The following ANKRD18B variants were observed in gnomAD, a reference collection of about 807,000 sequenced individuals.
ANKRD18B encodes the protein ankyrin repeat domain 18B.
ANKRD18B carries 75 observed loss-of-function variants against 111.8 expected under a neutral mutation model. That is an observed-to-expected ratio of 0.67 (90% CI 0.56 to 0.81). The LOEUF (loss-of-function observed/expected upper bound fraction) is 0.81, where lower values mean the gene tolerates loss of function less well. Among genes scored for constraint, ANKRD18B ranks in the 40% least tolerant of loss-of-function variants. ANKRD18B has a pLI of 0.00. For missense variants in ANKRD18B, 1,038 were observed against 1,225.5 expected (o/e 0.85, Z 2.28); for synonymous variants, 356 against 417.3 (o/e 0.85, Z 1.79).
Position 33,543,219 on chromosome 9 carries a change from A to C in ANKRD18B, c.1113A>C (p.Gln371His). ...TAAAAGTGGCTTCAGAGGAAAAGCA[A>C]GAAAGGCTTGAAAGAAGTGAAAATA... ...HNLKVASEEK[Q>H]ERLERSENKQ... is the part of the protein sequence containing the mutation. The change falls in exon 10 of 19, where the codon CAA becomes CAC. Residue 371 changes from glutamine to histidine, a missense_variant. Gln to His is a conservative substitution (Grantham distance 24, BLOSUM62 0). Around this residue, in one of 4 missense-constraint regions of ANKRD18B, gnomAD observed 205 missense variants for 201.3 expected, o/e 1.02. Transcript: ENST00000684830. 1 of 1,553,152 alleles carries C rather than the reference A, an allele frequency of 6.4e-7. No homozygotes were observed. Among genetic ancestry groups the C allele is most frequent in the Admixed American group, 2.0e-5 (1 of 51,190 alleles).
intron 10 of ANKRD18B, among the ~76,000 whole-genome samples, chr9:33,544,167 C>G (rs1157749203): frequency 2.6e-5 from 4 of 152,106 alleles, no homozygotes; most frequent in Non-Finnish European, 5.9e-5. Flanking sequence ...CTATTTCTGT[C>G]AGATTTAATT....
At position 33,571,300 on chromosome 9, in the gene ANKRD18B, C is replaced by T; in HGVS notation, c.3223+9C>T. On this transcript the variant is annotated intron_variant, in intron 18 of 18. Coordinates refer to ENST00000684830, the MANE Select transcript of ANKRD18B (RefSeq NM_001393611.1). ...TACAGAAACAAAGAAAAGTATGTTG[C>T]CAAAATGTATTAATTAAATTTAGGT... 1 of 1,147,048 alleles carries T rather than the reference C, an allele frequency of 8.7e-7. No individual in the cohort carries two copies. Among genetic ancestry groups the T allele is most frequent in the Non-Finnish European group, 1.1e-6 (1 of 904,872 alleles). 71.1% of individuals were successfully genotyped at this position (1,147,048 alleles called of 1,614,324 possible).
chr9:33,545,611 T>C (rs554062632), intron 10 of ANKRD18B, among the ~76,000 whole-genome samples: 21 of 152,338 alleles, frequency 1.4e-4, no homozygotes, highest in African/African-American at 4.8e-4. Context: ...CCACTGCTAA[T>C]ATCTATAAAA....
intron 13 of ANKRD18B, among the ~76,000 whole-genome samples, chr9:33,556,295 G>T (rs1170236062): frequency 6.6e-6 from 1 of 151,716 alleles, no homozygotes; most frequent in Non-Finnish European, 1.5e-5. Flanking sequence ...ACAGAGTCTG[G>T]CTCTGTCACC....
chr9:33,548,425 A>G lies in ANKRD18B; in HGVS notation c.1637A>G (p.Gln546Arg). 1.3e-6 allele frequency: 2 copies of G among 1,551,250 alleles called. No homozygotes were observed. Among genetic ancestry groups the G allele is most frequent in the Non-Finnish European group, 1.7e-6 (2 of 1,146,642 alleles). ...GATAAGAATGAGTTGCTTACTGAAC[A>G]GGTCCATAAAGCTCGGGTGAAGTTC... ...LTDKNELLTE[Q>R]VHKARVKFNT... is the part of the protein sequence containing the mutation. The change falls in exon 11 of 19, where the codon CAG becomes CGG. Residue 546 changes from glutamine to arginine, a missense_variant. Physicochemically the swap from Gln to Arg is conservative, Grantham distance 43. This residue lies in a region of ANKRD18B where 524 missense variants were observed against 677.9 expected (regional missense o/e 0.77). Transcript: ENST00000684830.
At chr9:33,564,539 T>C (rs544323037) in intron 14 of ANKRD18B, among the ~76,000 whole-genome samples, 17 of 152,360 alleles carry the variant, frequency 1.1e-4, no homozygotes, top group Middle Eastern at 3.4e-3. Flanking sequence ...TATTGTTTTC[T>C]TTTCTATTGC....
At chr9:33,539,281 G>A (rs1002392150) in intron 6 of ANKRD18B, among the ~76,000 whole-genome samples, 168 bp from the exon 7 acceptor site, 47 of 152,160 alleles carry the variant, frequency 3.1e-4, no homozygotes, top group African/African-American at 1.1e-3. Context: ...TATGTATCAC[G>A]TTCAGTATGT....
chr9:33,534,875 C>T (rs1292621530), intron 5 of ANKRD18B, among the ~76,000 whole-genome samples: 1 of 125,956 alleles, frequency 7.9e-6, no homozygotes, highest in African/African-American at 3.0e-5. Context: ...TGCTCATGTT[C>T]CTGAGTTCAA....
intron 3 of ANKRD18B, 115 bp from the exon 4 acceptor site, chr9:33,533,324 A>G (rs1420959937): frequency 1.8e-5 from 27 of 1,482,676 alleles, no homozygotes; most frequent in Non-Finnish European, 1.3e-5. Flanking sequence ...ACTGCTTTGC[A>G]TTTACTTTCT....
At chr9:33,558,303 A>G in intron 14 of ANKRD18B, 116 bp downstream of exon 14, 3 of 1,202,276 alleles carry the variant, frequency 2.5e-6, no homozygotes, top group East Asian at 5.3e-5. Flanking sequence ...TCAATCCATC[A>G]CCTAGGTATT....
chr9:33,553,894 G>A (rs2996344), intron 12 of ANKRD18B, among the ~76,000 whole-genome samples: 22,634 of 151,230 alleles, frequency 0.15, 1,795 homozygotes, highest in South Asian at 0.2. Context: ...CCTGGCCAAC[G>A]TGGTGAAACC....
chr9:33,527,654 A>C (rs1265105709), intron 1 of ANKRD18B, among the ~76,000 whole-genome samples: 2 of 152,136 alleles, frequency 1.3e-5, no homozygotes, highest in African/African-American at 2.4e-5. Context: ...GTAAGAAGTA[A>C]TTTGTTTAAA....
In ANKRD18B at chr9:33,550,542, G is replaced by A; in HGVS notation, c.2180G>A (p.Trp727Ter). The A allele has an allele frequency of 6.5e-7, 1 of 1,539,264 alleles. No individual in the cohort carries two copies. The highest frequency in any genetic ancestry group is 2.5e-5 in the East Asian group (1 of 40,620). ...TGTCATATTAATTTGGATGAGACATGGACTTCAAAGAAGAAATTATTTCAA... is the reference window on the plus strand; with the variant it reads ...TGTCATATTAATTTGGATGAGACATAGACTTCAAAGAAGAAATTATTTCAA... ...SHCHINLDETWTSKKKLFQVE... is the reference protein window; with the variant it reads ...SHCHINLDET Residue 727 changes from tryptophan (W) to a stop codon, truncating the protein, a stop_gained, in exon 12 of 19, where the codon TGG becomes TAG. Transcript: ENST00000684830. LOFTEE classifies it high-confidence loss of function.
chr9:33,549,986 G>T (rs1435760992), intron 11 of ANKRD18B, among the ~76,000 whole-genome samples: 1 of 152,136 alleles, frequency 6.6e-6, no homozygotes, highest in African/African-American at 2.4e-5. Flanking sequence ...CTAATGAGGG[G>T]TGGCAGAGTT....
chr9:33,563,798 A>G (rs2118120700), intron 14 of ANKRD18B, among the ~76,000 whole-genome samples: 2 of 151,970 alleles, frequency 1.3e-5, no homozygotes, highest in South Asian at 4.2e-4. Flanking sequence ...GAACATTCAA[A>G]ATCTTCTAGC....
rs1324940983 is a variant in ANKRD18B at position 33,524,679 on chromosome 9, C to T, written c.190C>T (p.Arg64Cys). ...LTRRFRDLDV[R>C]DRKDRTVLHL... The stretch of plus-strand genomic sequence containing the variant: ...GCGCAGGTTCCGGGACTTGGACGTC[C>T]GCGACAGAAAAGACAGGTAGCGGGG... The change falls in exon 1 of 19, where the codon CGC (arginine) becomes TGC (cysteine). Residue 64 changes from arginine (R) to cysteine (C), a missense_variant. Coordinates refer to ENST00000684830, the MANE Select transcript of ANKRD18B (RefSeq NM_001393611.1). The T allele has an allele frequency of 4.5e-6, 7 of 1,550,088 alleles. No individual in the cohort carries two copies. The highest frequency in any genetic ancestry group is 6.1e-6 in the Non-Finnish European group (7 of 1,146,458).
Position 33,531,733 on chromosome 9 carries a change from A to G in ANKRD18B, c.496-1706A>G, listed in dbSNP as rs1319583359. On this transcript the variant is annotated intron_variant, in intron 3 of 18. Transcript: ENST00000684830. ...GACAGCATATATTGGTTCATAATATATAGTCTATAGTTTATATAAATCCCT... is the reference window on the plus strand; with the variant it reads ...GACAGCATATATTGGTTCATAATATGTAGTCTATAGTTTATATAAATCCCT... Among the ~76,000 whole-genome samples, 4 of 151,482 alleles carry G rather than the reference A, an allele frequency of 2.6e-5. No homozygotes were observed. In the East Asian group the frequency reaches 7.7e-4, roughly 29 times the overall value.
At chr9:33,549,007 C>G (rs894527405) in intron 11 of ANKRD18B, among the ~76,000 whole-genome samples, 152 bp downstream of exon 11, 5 of 152,044 alleles carry the variant, frequency 3.3e-5, no homozygotes, top group Non-Finnish European at 7.4e-5. Context: ...CCAGGAAATA[C>G]ATGTATAGGG....
At position 33,525,132 on chromosome 9, in the gene ANKRD18B, A is replaced by C. The variant is rs531290363; in HGVS notation, c.206+437A>C. ...TGAATGAGAAGACTCAGTTTTCTCA[A>C]AATGTGAGCTCTTAATATGTTTATC... On this transcript the variant is annotated intron_variant, in intron 1 of 18. Coordinates refer to ENST00000684830, the MANE Select transcript of ANKRD18B (RefSeq NM_001393611.1). 4.9e-3 allele frequency among the ~76,000 whole-genome samples: 747 copies of C among 152,328 alleles called. 3 individuals carry two copies. Among genetic ancestry groups the C allele is most frequent in the Non-Finnish European group, 7.6e-3 (520 of 68,024 alleles).
Sources: gnomAD v4.1 joint callset for allele counts (sites outside exome capture counted in the v4.1 genomes callset) on GRCh38, gnomAD v4.1.1 for gene constraint, gnomAD v4.1.1 regional missense constraint, MANE v1.5 for transcripts, NCBI Gene and HGNC (gene_info 2026-07-23, HGNC 2026-07-21) for gene names.